CADM1: variants seen among roughly 807,000 people sequenced by gnomAD.
CADM1 encodes the protein TSLC-1.
A neutral mutation model predicts 53.1 loss-of-function variants in CADM1; 15 were observed. The ratio of observed to expected loss-of-function variants is 0.28; its 90% confidence interval spans 0.19 to 0.44. The LOEUF (loss-of-function observed/expected upper bound fraction) is 0.44. Ranked by LOEUF, CADM1 falls within the 20% of genes least tolerant of loss-of-function variation. The pLI, the probability that CADM1 is intolerant of heterozygous loss-of-function variation, is 1.00. For missense variants in CADM1, 434 were observed against 611.3 expected, an observed-to-expected ratio of 0.71 and a Z score of 3.06; for synonymous variants, 281 against 243.0, an observed-to-expected ratio of 1.16 and a Z score of -1.45.
chr11:115,203,786 C>T (rs1940550133), intron 8 of CADM1, among the ~76,000 whole-genome samples: 1 of 152,140 alleles, frequency 6.6e-6, no homozygotes, highest in African/African-American at 2.4e-5. Context: ...AGTCTTTTCT[C>T]ATTCCCTCCT....
intron 1 of CADM1, among the ~76,000 whole-genome samples, chr11:115,327,748 T>C (rs73576196): frequency 0.012 from 1,785 of 152,300 alleles, 44 homozygotes; most frequent in African/African-American, 0.039. Flanking sequence ...TGTCCTCATT[T>C]GTAAAGTGAA....
chr11:115,428,302 C>T (rs896834168), intron 1 of CADM1, among the ~76,000 whole-genome samples: 1 of 151,954 alleles, frequency 6.6e-6, no homozygotes, highest in Non-Finnish European at 1.5e-5. Context: ...ATGTAACTAC[C>T]CTACTACCAT....
At chr11:115,466,936 C>A (rs1377476111) in intron 1 of CADM1, among the ~76,000 whole-genome samples, 6 of 152,202 alleles carry the variant, frequency 3.9e-5, no homozygotes, top group Admixed American at 3.9e-4. Flanking sequence ...GAGTACATCA[C>A]TTACCAGCCA....
chr11:115,333,354 G>GAA (rs1223162283), intron 1 of CADM1, among the ~76,000 whole-genome samples: 3 of 152,118 alleles, frequency 2.0e-5, no homozygotes, highest in Admixed American at 6.6e-5. Flanking sequence ...TTGAGAGATC[G>GAA]AGAGAGAAAG....
chr11:115,439,424 A>G (rs186909027), intron 1 of CADM1, among the ~76,000 whole-genome samples: 1 of 152,340 alleles, frequency 6.6e-6, no homozygotes, highest in Non-Finnish European at 1.5e-5. Context: ...TACTTCAAAC[A>G]TCTTTGCCTC....
chr11:115,482,572 G>A (rs1042864945), intron 1 of CADM1, among the ~76,000 whole-genome samples: 6 of 152,176 alleles, frequency 3.9e-5, no homozygotes, highest in Non-Finnish European at 5.9e-5. Context: ...GAGCCTTCTT[G>A]AGTTGAATCA....
chr11:115,273,347 A>ATC (rs1174865646), intron 1 of CADM1, among the ~76,000 whole-genome samples: 1 of 152,200 alleles, frequency 6.6e-6, no homozygotes, highest in Non-Finnish European at 1.5e-5. Context: ...ATTCAGAAAC[A>ATC]TCTCTTAAAT....
At chr11:115,381,363 T>C (rs1366508528) in intron 1 of CADM1, among the ~76,000 whole-genome samples, 1 of 150,748 alleles carries the variant, frequency 6.6e-6, no homozygotes. Flanking sequence ...CAGAACAAGA[T>C]GACAAACTGT....
In CADM1 at chr11:115,174,751, A is replaced by G. The variant is rs1454507569; in HGVS notation, c.*1723T>C. 2 of 877,020 alleles carry G rather than the reference A, an allele frequency of 2.3e-6. No individual in the cohort carries two copies. The highest frequency in any genetic ancestry group is 6.2e-5 in the Admixed American group (1 of 16,092). 54.3% of individuals were successfully genotyped at this position (877,020 alleles called of 1,614,324 possible). ...AAAATGTAATAGAATATATATTTAT[A>G]TATATATATAGATCTATCTTTTTTG... On this transcript the variant is annotated 3_prime_UTR_variant, in exon 12 of 12. Transcript: ENST00000331581.
chr11:115,271,261 A>ATGT (rs544530520), intron 1 of CADM1, among the ~76,000 whole-genome samples: 312 of 151,934 alleles, frequency 2.1e-3, no homozygotes, highest in African/African-American at 7.0e-3. Context: ...TATATAGTTT[A>ATGT]TGTTGTTGTT....
At position 115,308,192 on chromosome 11, in the gene CADM1, G is replaced by GTATATATATATATA. The variant is rs1387092815; in HGVS notation, c.125-67773_125-67772insTATATATATATATA. ...GTGTGTGTGTATATCACTCATAGGTGTGTATATATATATATATATACACAC... is the reference window on the plus strand; with the variant it reads ...GTGTGTGTGTATATCACTCATAGGTGTATATATATATATATGTATATATATATATATATACACAC... On this transcript the variant is annotated intron_variant, in intron 1 of 11. Coordinates refer to ENST00000331581, the MANE Select transcript of CADM1 (RefSeq NM_001301043.2). 5.1e-3 allele frequency among the ~76,000 whole-genome samples: 362 copies of GTATATATATATATA among 70,454 alleles called. 3 individuals carry two copies. Among genetic ancestry groups the GTATATATATATATA allele is most frequent in the African/African-American group, 0.021 (324 of 15,744 alleles). 46.2% of individuals were successfully genotyped at this position (70,454 alleles called of 152,430 possible). A position where few individuals can be genotyped will look rare whatever the true frequency, so the allele number is the denominator to read the frequency against.
intron 3 of CADM1, among the ~76,000 whole-genome samples, chr11:115,234,565 G>T (rs552909955): frequency 1.4e-4 from 22 of 152,060 alleles, no homozygotes; most frequent in Non-Finnish European, 2.6e-4. Flanking sequence ...CAAATTTAAG[G>T]CTAAGGTAAA....
chr11:115,212,660 G>A (rs1212149290), intron 7 of CADM1, among the ~76,000 whole-genome samples: 1 of 152,206 alleles, frequency 6.6e-6, no homozygotes, highest in East Asian at 1.9e-4. Flanking sequence ...AAAGCAGTGA[G>A]AATAAGAGAA....
intron 1 of CADM1, among the ~76,000 whole-genome samples, chr11:115,347,962 C>T (rs1262539137): frequency 1.3e-5 from 2 of 152,148 alleles, no homozygotes; most frequent in Admixed American, 6.5e-5. Flanking sequence ...ATAAGGCGAA[C>T]ATATGATATA....
In CADM1 at chr11:115,169,662, T is replaced by C. The variant is rs1368168683; in HGVS notation, c.*6812A>G. 4.4e-6 allele frequency: 2 copies of C among 455,392 alleles called. No individual in the cohort carries two copies. The highest frequency in any genetic ancestry group is 8.8e-6 in the Non-Finnish European group (2 of 226,572). The allele number at this position is 455,392 out of a possible 1,614,324, so 28.2% of individuals were successfully genotyped here. ...GGAGAGAAAGAGAAAGAGAGAGAGATGGATAGTAATTTCGTCACTAGCTAA... is the reference window on the plus strand; with the variant it reads ...GGAGAGAAAGAGAAAGAGAGAGAGACGGATAGTAATTTCGTCACTAGCTAA... On this transcript the variant is annotated 3_prime_UTR_variant, in exon 12 of 12. Transcript: ENST00000331581.
chr11:115,333,875 G>A (rs980013639), intron 1 of CADM1, among the ~76,000 whole-genome samples: 1 of 152,076 alleles, frequency 6.6e-6, no homozygotes, highest in Non-Finnish European at 1.5e-5. Context: ...GAAAAGAACA[G>A]GTTATTTTGA....
At position 115,374,717 on chromosome 11, in the gene CADM1, T is replaced by A. The variant is rs572212443; in HGVS notation, c.124+129554A>T. On this transcript the variant is annotated intron_variant, in intron 1 of 11. Coordinates refer to ENST00000331581, the MANE Select transcript of CADM1 (RefSeq NM_001301043.2). ...ATTTGACTAATAAGAAATAAAAAAA[T>A]TTTTAAAAAACATGTTAAACAACAT... 2.0e-4 allele frequency among the ~76,000 whole-genome samples: 30 copies of A among 152,156 alleles called. No homozygotes were observed. In the South Asian group the frequency reaches 4.1e-3, roughly 21 times the overall value.
intron 1 of CADM1, among the ~76,000 whole-genome samples, chr11:115,414,836 A>AT (rs11464834): frequency 1 from 152,339 of 152,342 alleles, 76,168 homozygotes; most frequent in Middle Eastern, 1. Flanking sequence ...TAAATATAAA[A>AT]GGTATTCCTC....
chr11:115,199,197 T>A (rs1383385748), intron 8 of CADM1, among the ~76,000 whole-genome samples: 3 of 152,176 alleles, frequency 2.0e-5, no homozygotes, highest in African/African-American at 7.2e-5. Context: ...ACACCCAAGT[T>A]CACACAATCT....
Sources: gnomAD v4.1 joint callset for allele counts (sites outside exome capture counted in the v4.1 genomes callset) on GRCh38, gnomAD v4.1.1 for gene constraint, MANE v1.5 for transcripts, NCBI Gene and HGNC (gene_info 2026-07-23, HGNC 2026-07-21) for gene names.